The following CUX2 variants were observed in gnomAD, a reference collection of about 807,000 sequenced individuals.
CUX2 encodes homeobox protein cut-like 2.
CUX2 carries 40 observed loss-of-function variants against 144.8 expected under a neutral mutation model. That is an observed-to-expected ratio of 0.28 (90% CI 0.21 to 0.36). CUX2 has a LOEUF of 0.36. Among genes scored for constraint, CUX2 ranks in the 10% least tolerant of loss-of-function variants. The pLI, the probability that CUX2 is intolerant of heterozygous loss-of-function variation, is 1.00. For synonymous variants in CUX2, 827 were observed against 875.6 expected, an observed-to-expected ratio of 0.94 and a Z score of 0.98; for missense variants, 1,615 against 1,994.0, an observed-to-expected ratio of 0.81 and a Z score of 3.62.
chr12:111,157,942 C>T (rs1877503811), intron 1 of CUX2, among the ~76,000 whole-genome samples: 1 of 152,098 alleles, frequency 6.6e-6, no homozygotes, highest in South Asian at 2.1e-4. Flanking sequence ...CACATGAATG[C>T]CATGTTGTCT....
At chr12:111,199,825 CTG>C (rs1315104041) in intron 1 of CUX2, among the ~76,000 whole-genome samples, 3 of 150,902 alleles carry the variant, frequency 2.0e-5, no homozygotes, top group African/African-American at 7.3e-5. Flanking sequence ...CTCTGTGTGT[CTG>C]TGTGTATGTA....
chr12:111,240,511 C>T (rs976189303), intron 3 of CUX2, among the ~76,000 whole-genome samples: 2 of 152,226 alleles, frequency 1.3e-5, no homozygotes, highest in Non-Finnish European at 2.9e-5. Flanking sequence ...ATGAGTATCA[C>T]CGGTCTAGCC....
At chr12:111,105,541 C>T (rs952098929) in intron 1 of CUX2, among the ~76,000 whole-genome samples, 4 of 152,000 alleles carry the variant, frequency 2.6e-5, no homozygotes, top group Non-Finnish European at 4.4e-5. Flanking sequence ...GCTCTCCCTG[C>T]CTCTCCAGAG....
At chr12:111,291,663 G>A in intron 5 of CUX2, 111 bp downstream of exon 5, 1 of 1,246,770 alleles carries the variant, frequency 8.0e-7, no homozygotes, top group Admixed American at 3.3e-5. Flanking sequence ...GAACTGGGCA[G>A]GTGAAGGCCT....
At chr12:111,123,014 G>A (rs902636221) in intron 1 of CUX2, among the ~76,000 whole-genome samples, 2 of 152,130 alleles carry the variant, frequency 1.3e-5, no homozygotes, top group Non-Finnish European at 2.9e-5. Context: ...ATGTTTGATC[G>A]CCTCCTTGGA....
chr12:111,124,520 G>A (rs544719343), intron 1 of CUX2, among the ~76,000 whole-genome samples: 1 of 152,314 alleles, frequency 6.6e-6, no homozygotes, highest in South Asian at 2.1e-4. Flanking sequence ...AAACAAGGCA[G>A]GTCAGATCAT....
rs1291494768 is a variant in CUX2, at chr12:111,312,760, G to A, written c.2002+559G>A. On this transcript the variant is annotated intron_variant, in intron 16 of 21. Transcript: ENST00000261726. The surrounding 1 kb of genome is among the most constrained non-coding windows in gnomAD (Gnocchi z 4.3). Reference sequence around the variant, plus strand: ...GGCCTACAGGCCCTACAGTCTTCAGGCCCCTCCATGCCTGTCACATGAACT... The same window carrying A: ...GGCCTACAGGCCCTACAGTCTTCAGACCCCTCCATGCCTGTCACATGAACT... 2.6e-5 allele frequency among the ~76,000 whole-genome samples: 4 copies of A among 151,862 alleles called. No homozygotes were observed. The South Asian group carries it at 8.3e-4, about 32-fold the overall frequency.
chr12:111,171,184 C>T lies in CUX2; in HGVS notation c.64-43016C>T, dbSNP rs187641961. Among the ~76,000 whole-genome samples the T allele has an allele frequency of 2.6e-5, 4 of 152,200 alleles. No individual in the cohort carries two copies. Among genetic ancestry groups the T allele is most frequent in the South Asian group, 2.1e-4 (1 of 4,822 alleles). ...TGACAGAGATGGAGAAGTTGGGCAACCCCCAGTCTGATGGACGGGGTGCAG... is the reference window on the plus strand; with the variant it reads ...TGACAGAGATGGAGAAGTTGGGCAATCCCCAGTCTGATGGACGGGGTGCAG... On this transcript the variant is annotated intron_variant, in intron 1 of 21. Transcript: ENST00000261726. This position sits in a 1 kb window ranked among gnomAD's most constrained non-coding sequence, Gnocchi z 5.0.
At chr12:111,298,045 T>G (rs917835117) in intron 8 of CUX2, among the ~76,000 whole-genome samples, 4 of 152,262 alleles carry the variant, frequency 2.6e-5, no homozygotes, top group Non-Finnish European at 5.9e-5. Flanking sequence ...ATGAAGCATG[T>G]GTGTGGCCTT....
chr12:111,107,067 G>T (rs970988849), intron 1 of CUX2, among the ~76,000 whole-genome samples: 2 of 152,218 alleles, frequency 1.3e-5, no homozygotes, highest in African/African-American at 4.8e-5. Context: ...GACAGTGTGT[G>T]CCAGGCATTG....
At chr12:111,225,946 C>T (rs575831604) in intron 3 of CUX2, among the ~76,000 whole-genome samples, 1 of 152,152 alleles carries the variant, frequency 6.6e-6, no homozygotes, top group Non-Finnish European at 1.5e-5. Flanking sequence ...CTACTGCCCC[C>T]GACATGCACA....
intron 1 of CUX2, among the ~76,000 whole-genome samples, chr12:111,104,621 A>C (rs114850656): frequency 0.012 from 1,871 of 152,326 alleles, 35 homozygotes; most frequent in African/African-American, 0.042. Context: ...AAAATGAGAT[A>C]ATTCACACAA....
Position 111,061,044 on chromosome 12 carries a change from C to G in CUX2, c.63+26804C>G, listed in dbSNP as rs1316684738. Among the ~76,000 whole-genome samples the G allele has an allele frequency of 6.6e-6, 1 of 152,208 alleles. No homozygotes were observed. Among genetic ancestry groups the G allele is most frequent in the Non-Finnish European group, 1.5e-5 (1 of 68,028 alleles). On this transcript the variant is annotated intron_variant, in intron 1 of 21. Coordinates refer to ENST00000261726, the MANE Select transcript of CUX2 (RefSeq NM_015267.4). The surrounding 1 kb of genome is among the most constrained non-coding windows in gnomAD (Gnocchi z 4.2). ...GGGATGCCAGGACCTCCAGCTGGCC[C>G]TGCTGCCCCCTCCCCCGCTTCCTTG...
intron 1 of CUX2, among the ~76,000 whole-genome samples, chr12:111,095,331 C>T (rs909939977): frequency 3.3e-5 from 5 of 152,058 alleles, no homozygotes; most frequent in East Asian, 1.9e-4. Flanking sequence ...AGGTGGCGCA[C>T]GTCTGTAGTC....
chr12:111,177,687 A>G (rs1034743087), intron 1 of CUX2, among the ~76,000 whole-genome samples: 1 of 152,196 alleles, frequency 6.6e-6, no homozygotes, highest in African/African-American at 2.4e-5. Context: ...CACCGTGCCC[A>G]GCCGAGGATG....
chr12:111,200,043 G>C (rs918853197), intron 1 of CUX2, among the ~76,000 whole-genome samples: 1 of 152,194 alleles, frequency 6.6e-6, no homozygotes, highest in Non-Finnish European at 1.5e-5. Flanking sequence ...GGTGAACAGA[G>C]ATAAAAGTCT....
In CUX2 at chr12:111,322,783, C is replaced by T. The variant is rs1887599963; in HGVS notation, c.2926+203C>T. On this transcript the variant is annotated intron_variant, in intron 18 of 21. Transcript: ENST00000261726. The surrounding 1 kb of genome is among the most constrained non-coding windows in gnomAD (Gnocchi z 4.2). ...TGCTCCCCTTTCTTCCTTCCTCCAA[C>T]CAGAGGGAGGCTTCTAGAAGCTGCA... is the stretch of plus-strand genomic sequence containing the variant. Among the ~76,000 whole-genome samples the T allele has an allele frequency of 6.6e-6, 1 of 152,178 alleles. No individual in the cohort carries two copies. Among genetic ancestry groups the T allele is most frequent in the Non-Finnish European group, 1.5e-5 (1 of 68,026 alleles).
chr12:111,241,379 T>C (rs540593503), intron 3 of CUX2, among the ~76,000 whole-genome samples: 1 of 152,326 alleles, frequency 6.6e-6, no homozygotes, highest in African/African-American at 2.4e-5. Flanking sequence ...GGACAAGCCA[T>C]GTCCAAACCA....
intron 3 of CUX2, 24 bp downstream of exon 3, chr12:111,217,961 G>A (rs745896959): frequency 1.2e-6 from 2 of 1,613,494 alleles, no homozygotes; most frequent in African/African-American, 2.7e-5. Flanking sequence ...CCCACAGCAT[G>A]TCAGAAAAGT....
Sources: allele counts gnomAD v4.1 joint callset (sites outside exome capture counted in the v4.1 genomes callset), GRCh38; gene constraint gnomAD v4.1.1; non-coding constraint Gnocchi (gnomAD v3.1); transcripts MANE v1.5; gene names NCBI Gene and HGNC (gene_info 2026-07-23, HGNC 2026-07-21).